Variants in LTBP1 observed in about 807,000 individuals in gnomAD.
LTBP1 encodes latent transforming growth factor beta binding protein 1, also known as latent-transforming growth factor beta-binding protein 1.
In LTBP1, 129 loss-of-function variants were observed where a neutral mutation model predicts 207.6. That is an observed-to-expected ratio of 0.62 (90% CI 0.54 to 0.72). The LOEUF is 0.72. LTBP1 is among the 30% of genes least tolerant of loss of function. The probability of loss-of-function intolerance (pLI) is 0.00; values close to 1 mark genes in which losing one functional copy is unlikely to be tolerated. For synonymous variants in LTBP1, 963 were observed against 833.7 expected, an observed-to-expected ratio of 1.16 and a Z score of -2.67; for missense variants, 2,281 against 2,217.2, an observed-to-expected ratio of 1.03 and a Z score of -0.58.
intron 18 of LTBP1, among the ~76,000 whole-genome samples, chr2:33,277,815 T>TCTTTCTTTC (rs1558933866): frequency 9.3e-5 from 8 of 86,084 alleles, no homozygotes; most frequent in African/African-American, 3.4e-4. Context: ...CTTTCTTTTT[T>TCTTTCTTTC]TCTTTCTTTC....
intron 15 of LTBP1, among the ~76,000 whole-genome samples, chr2:33,268,454 T>C (rs2093239179): frequency 6.6e-6 from 1 of 152,240 alleles, no homozygotes. Context: ...AAATTGGAAG[T>C]AGCCTTTTCA....
In LTBP1 at chr2:32,958,126, A is replaced by G. The variant is rs74731158; in HGVS notation, c.565+9181A>G. ...TTGGAATTAGAATACGGAGCTCCTA[A>G]TTGACCTTAATACTTTCTCACTGTG... On this transcript the variant is annotated intron_variant, in intron 2 of 33. Transcript: ENST00000404816. Among the ~76,000 whole-genome samples the G allele has an allele frequency of 6.1e-3, 934 of 152,250 alleles. 12 individuals carry two copies. Among genetic ancestry groups the G allele is most frequent in the African/African-American group, 0.021 (890 of 41,534 alleles).
intron 22 of LTBP1, among the ~76,000 whole-genome samples, chr2:33,303,469 C>G (rs1488674269): frequency 2.0e-5 from 3 of 151,796 alleles, no homozygotes; most frequent in African/African-American, 7.3e-5. Flanking sequence ...CCTGCCTCAG[C>G]CTCCCGAGTA....
intron 10 of LTBP1, among the ~76,000 whole-genome samples, chr2:33,250,746 T>C (rs1266580454): frequency 1.3e-5 from 2 of 151,856 alleles, no homozygotes; most frequent in Non-Finnish European, 2.9e-5. Context: ...ACCTTCTGAG[T>C]CTTAAGCAGG....
At chr2:33,112,278 CTGTG>C (rs557878625) in intron 4 of LTBP1, among the ~76,000 whole-genome samples, 11 of 152,274 alleles carry the variant, frequency 7.2e-5, no homozygotes, top group Admixed American at 2.0e-4. Flanking sequence ...AAAATTCCCA[CTGTG>C]TGTGTATTTC....
Position 33,371,815 on chromosome 2 carries a change from G to T in LTBP1, c.4711+6312G>T, listed in dbSNP as rs555657636. On this transcript the variant is annotated intron_variant, in intron 31 of 33. Transcript: ENST00000404816. ...GTTTCAGTTACCCACAGTCAACCAC[G>T]GTCCGAAATATTAAGGGGAAAATTC... Among the ~76,000 whole-genome samples, 19 of 152,210 alleles carry T rather than the reference G, an allele frequency of 1.2e-4. No homozygotes were observed. In the East Asian group the frequency reaches 3.7e-3, roughly 29 times the overall value.
intron 24 of LTBP1, among the ~76,000 whole-genome samples, chr2:33,337,902 C>T (rs997724762): frequency 6.6e-6 from 1 of 152,188 alleles, no homozygotes; most frequent in Non-Finnish European, 1.5e-5. Context: ...TAACATTTAG[C>T]TTTATTTCTC....
At position 33,187,096 on chromosome 2, in the gene LTBP1, TCCG is replaced by T. The variant is rs749875763; in HGVS notation, c.1426+19_1426+21del. 6.8e-6 allele frequency: 11 copies of T among 1,609,670 alleles called. No individual in the cohort carries two copies. Among genetic ancestry groups the T allele is most frequent in the Non-Finnish European group, 9.3e-6 (11 of 1,176,622 alleles). On this transcript the variant is annotated intron_variant, in intron 6 of 33. Transcript: ENST00000404816. ...GGAGTCAAAGGTAAGCTTTTTTCAT[TCCG>T]CCCATTTGCCAGACCTCTGTTAACC... is the stretch of plus-strand genomic sequence containing the variant.
At chr2:32,984,206 A>C (rs1036371769) in intron 2 of LTBP1, among the ~76,000 whole-genome samples, 1 of 152,218 alleles carries the variant, frequency 6.6e-6, no homozygotes, top group African/African-American at 2.4e-5. Flanking sequence ...TTTTGACAGC[A>C]CAAGACTGTC....
intron 3 of LTBP1, among the ~76,000 whole-genome samples, chr2:33,102,816 C>T (rs1398494735): frequency 6.6e-6 from 1 of 152,138 alleles, no homozygotes; most frequent in Non-Finnish European, 1.5e-5. Flanking sequence ...TGTCTGTAAG[C>T]TGTACGCATT....
rs116132806 is a variant in LTBP1, at chr2:32,967,958, A to G, written c.565+19013A>G. Among the ~76,000 whole-genome samples, 946 of 149,042 alleles carry G rather than the reference A, an allele frequency of 6.3e-3. 12 individuals are homozygous for G. Among genetic ancestry groups the G allele is most frequent in the African/African-American group, 0.022 (898 of 40,922 alleles). On this transcript the variant is annotated intron_variant, in intron 2 of 33. Transcript: ENST00000404816. ...CAATAGATGAATTATGGATTCATCT[A>G]TTATTCCTTGCATTTCTATCAGTTT...
At chr2:33,309,047 C>G (rs2094141609) in intron 22 of LTBP1, among the ~76,000 whole-genome samples, 1 of 152,044 alleles carries the variant, frequency 6.6e-6, no homozygotes, top group Admixed American at 6.6e-5. Flanking sequence ...CTTTGGGAGG[C>G]TGAGGTGGGC....
intron 5 of LTBP1, among the ~76,000 whole-genome samples, chr2:33,166,518 A>G (rs1302100847): frequency 6.6e-6 from 1 of 152,138 alleles, no homozygotes; most frequent in Non-Finnish European, 1.5e-5. Context: ...CAATTGTTTT[A>G]TTGTGGTAAC....
chr2:33,266,246 C>T (rs2093171969), intron 15 of LTBP1, among the ~76,000 whole-genome samples: 1 of 152,188 alleles, frequency 6.6e-6, no homozygotes, highest in South Asian at 2.1e-4. Flanking sequence ...ATGCCAGTCC[C>T]CTGTCGCCTT....
chr2:32,986,881 TC>T (rs1375352527), intron 2 of LTBP1, among the ~76,000 whole-genome samples: 1 of 152,206 alleles, frequency 6.6e-6, no homozygotes, highest in Non-Finnish European at 1.5e-5. Flanking sequence ...TTAGTGACAG[TC>T]CCAGAGAGAA....
intron 24 of LTBP1, 104 bp from the exon 25 acceptor site, chr2:33,342,734 A>G: frequency 9.3e-7 from 1 of 1,075,028 alleles, no homozygotes; most frequent in Non-Finnish European, 1.3e-6. Context: ...TCTCATCATC[A>G]CACACTAATC....
intron 19 of LTBP1, chr2:33,285,843 A>AG (rs1210805839): frequency 1.3e-5 from 2 of 151,714 alleles, no homozygotes; most frequent in Non-Finnish European, 1.5e-5. Flanking sequence ...TTAGCTTCCA[A>AG]GGTCAGACTA....
chr2:33,343,247 ATT>A (rs113343975), intron 25 of LTBP1, among the ~76,000 whole-genome samples: 7 of 148,362 alleles, frequency 4.7e-5, no homozygotes, highest in South Asian at 2.2e-4. Flanking sequence ...ATGAATAAAA[ATT>A]TTAAAAAAAA....
At chr2:33,124,574 A>G (rs1387698902) in intron 4 of LTBP1, among the ~76,000 whole-genome samples, 1 of 152,234 alleles carries the variant, frequency 6.6e-6, no homozygotes, top group Non-Finnish European at 1.5e-5. Context: ...GCTTTATTCT[A>G]GAGTCTTTAA....
Sources: allele counts gnomAD v4.1 joint callset (sites outside exome capture counted in the v4.1 genomes callset), GRCh38; gene constraint gnomAD v4.1.1; transcripts MANE v1.5; gene names NCBI Gene and HGNC (gene_info 2026-07-23, HGNC 2026-07-21).